Variants in STAT3 observed in about 807,000 individuals in gnomAD.
The protein encoded by STAT3 is DNA-binding protein APRF.
A neutral mutation model predicts 114.3 loss-of-function variants in STAT3; 7 were observed. That is an observed-to-expected ratio of 0.06 (90% CI 0.03 to 0.11). STAT3 has a LOEUF of 0.11. Among genes scored for constraint, STAT3 ranks in the 10% least tolerant of loss-of-function variants. The pLI, the probability that STAT3 is intolerant of heterozygous loss-of-function variation, is 1.00. For missense variants in STAT3, 364 were observed against 960.9 expected (o/e 0.38, Z 8.21); for synonymous variants, 331 against 354.5 (o/e 0.93, Z 0.74).
chr17:42,349,383 C>T (rs546057369), intron 1 of STAT3, among the ~76,000 whole-genome samples: 2 of 152,318 alleles, frequency 1.3e-5, no homozygotes, highest in South Asian at 2.1e-4. Context: ...CAACAAATGT[C>T]GGTTCCTTTC....
chr17:42,317,054 C>G, intron 22 of STAT3, 128 bp downstream of exon 22: 1 of 1,574,536 alleles, frequency 6.4e-7, no homozygotes, highest in African/African-American at 1.4e-5. Flanking sequence ...CACAAGGTCA[C>G]TTTGAGTACT....
At position 42,331,501 on chromosome 17, in the gene STAT3, A is replaced by G. The variant is rs996710432; in HGVS notation, c.1080T>C (p.Tyr360=). Residue 360 remains tyrosine, a synonymous_variant, in exon 11 of 24, where the codon TAT becomes TAC. Transcript: ENST00000264657. ...CAATGCACACTTTAATTTTAAGCTGATAATTCAACTCAGGGAATTTGACCA... is the reference window on the plus strand; with the variant it reads ...CAATGCACACTTTAATTTTAAGCTGGTAATTCAACTCAGGGAATTTGACCA... ...RLLVKFPELN[Y]QLKIKVCIDK... The G allele has an allele frequency of 6.8e-6, 11 of 1,613,950 alleles. No individual in the cohort carries two copies. Among genetic ancestry groups the G allele is most frequent in the African/African-American group, 1.3e-5 (1 of 74,946 alleles).
At chr17:42,384,704 G>C (rs1017491950) in intron 1 of STAT3, among the ~76,000 whole-genome samples, 4 of 152,060 alleles carry the variant, frequency 2.6e-5, no homozygotes, top group Non-Finnish European at 5.9e-5. Flanking sequence ...ACAGGTCCAC[G>C]CCACCAGGCC....
chr17:42,358,933 C>CTTT lies in STAT3; in HGVS notation c.-23-10397_-23-10395dup, dbSNP rs35099574. On this transcript the variant is annotated intron_variant, in intron 1 of 23. Transcript: ENST00000264657. The stretch of plus-strand genomic sequence containing the variant: ...GTCTCCCTTTCATGGACATTTCTTA[C>CTTT]TTTTTTTTTTTTTTTTTTTGAGATG... 1.4e-3 allele frequency among the ~76,000 whole-genome samples: 140 copies of CTTT among 100,438 alleles called. 12 individuals are homozygous for CTTT. Among genetic ancestry groups the CTTT allele is most frequent in the African/African-American group, 4.2e-3 (107 of 25,506 alleles). 65.9% of individuals were successfully genotyped at this position (100,438 alleles called of 152,430 possible).
rs370434509 is a variant in STAT3 at position 42,345,875 on chromosome 17, C to CTTTT, written c.274-222_274-219dup. The stretch of plus-strand genomic sequence containing the variant: ...TAACAGAAGGCACATTAGCCTGAGT[C>CTTTT]TTTTTTTTTTTTTTTTGAGACTGGC... On this transcript the variant is annotated intron_variant, in intron 3 of 23. Transcript: ENST00000264657. 1.8e-4 allele frequency among the ~76,000 whole-genome samples: 24 copies of CTTTT among 132,972 alleles called. 1 individual carries two copies. Among genetic ancestry groups the CTTTT allele is most frequent in the Non-Finnish European group, 2.9e-4 (18 of 62,836 alleles). The allele number at this position is 132,972 out of a possible 152,430, so 87.2% of individuals were successfully genotyped here. A position where few individuals can be genotyped will look rare whatever the true frequency, so the allele number is the denominator to read the frequency against.
At chr17:42,332,024 T>A (rs1439668625) in intron 10 of STAT3, among the ~76,000 whole-genome samples, 2 of 151,388 alleles carry the variant, frequency 1.3e-5, no homozygotes, top group Non-Finnish European at 2.9e-5. Flanking sequence ...GCCTCCTGGG[T>A]TCAAGTGATT....
At position 42,329,390 on chromosome 17, in the gene STAT3, T is replaced by C. The variant is rs370366615; in HGVS notation, c.1281+20A>G. 1.2e-6 allele frequency: 2 copies of C among 1,613,346 alleles called. No individual in the cohort carries two copies. Among genetic ancestry groups the C allele is most frequent in the African/African-American group, 2.7e-5 (2 of 74,998 alleles). On this transcript the variant is annotated intron_variant, in intron 14 of 23. Coordinates refer to ENST00000264657, the MANE Select transcript of STAT3 (RefSeq NM_139276.3). ...TCAAGGAAAACACCCCAGTTGTCTT[T>C]CATCCCCAACAAAACTTACATCACA...
At chr17:42,356,605 G>A (rs2145112024) in intron 1 of STAT3, among the ~76,000 whole-genome samples, 1 of 149,790 alleles carries the variant, frequency 6.7e-6, no homozygotes, top group African/African-American at 2.5e-5. Flanking sequence ...AGTTTATTGT[G>A]TAGTAAACAT....
intron 1 of STAT3, among the ~76,000 whole-genome samples, chr17:42,370,489 G>A (rs888868217): frequency 6.7e-6 from 1 of 149,988 alleles, no homozygotes; most frequent in Non-Finnish European, 1.5e-5. Context: ...CGGGTGATCT[G>A]CCCATCTCGG....
intron 17 of STAT3, 144 bp from the exon 18 acceptor site, chr17:42,323,769 G>T: frequency 1.2e-6 from 1 of 808,882 alleles, no homozygotes; most frequent in Non-Finnish European, 2.1e-6. Flanking sequence ...GCACTGTTGT[G>T]TGTGTGCACA....
intron 4 of STAT3, among the ~76,000 whole-genome samples, chr17:42,344,717 T>TC (rs2082615723): frequency 7.3e-6 from 1 of 136,752 alleles, no homozygotes; most frequent in Admixed American, 7.8e-5. Context: ...AGACTCTGTC[T>TC]CAAAAAAAAA....
rs774823374 is a variant in STAT3, at chr17:42,339,356, C to T, written c.426G>A (p.Gln142=). 3.2e-5 allele frequency: 52 copies of T among 1,614,138 alleles called. No individual in the cohort carries two copies. Among genetic ancestry groups the T allele is most frequent in the Non-Finnish European group, 4.4e-5 (52 of 1,180,022 alleles). The change falls in exon 5 of 24, where the codon CAG becomes CAA. Residue 142 remains glutamine, a synonymous_variant. Transcript: ENST00000264657. ...CATCCTGAAGGTGCTGCTCCAGCATCTGCTGCTTCTCCGTCACCACGGCTG... is the reference window on the plus strand; with the variant it reads ...CATCCTGAAGGTGCTGCTCCAGCATTTGCTGCTTCTCCGTCACCACGGCTG... ...PTAAVVTEKQ[Q]MLEQHLQDVR... is the part of the protein sequence containing the mutation.
intron 4 of STAT3, among the ~76,000 whole-genome samples, chr17:42,343,597 G>A (rs1169053902): frequency 2.0e-5 from 3 of 151,678 alleles, no homozygotes; most frequent in Admixed American, 1.3e-4. Context: ...TGGGACTACA[G>A]GCGCGTACCA....
chr17:42,355,762 A>C (rs998375354), intron 1 of STAT3, among the ~76,000 whole-genome samples: 1 of 152,206 alleles, frequency 6.6e-6, no homozygotes, highest in African/African-American at 2.4e-5. Flanking sequence ...AATCTAATGA[A>C]ACCAAAAGAT....
chr17:42,366,508 G>A (rs1346029704), intron 1 of STAT3, among the ~76,000 whole-genome samples: 1 of 151,690 alleles, frequency 6.6e-6, no homozygotes, highest in Non-Finnish European at 1.5e-5. Context: ...CTGTCTCTAC[G>A]AAATATACAA....
At chr17:42,377,594 G>A (rs756894796) in intron 1 of STAT3, among the ~76,000 whole-genome samples, 1 of 152,090 alleles carries the variant, frequency 6.6e-6, no homozygotes, top group Non-Finnish European at 1.5e-5. Flanking sequence ...AGCTGTCCCT[G>A]GGAAAGAGTC....
At chr17:42,375,693 G>C (rs889036038) in intron 1 of STAT3, among the ~76,000 whole-genome samples, 1 of 151,952 alleles carries the variant, frequency 6.6e-6, no homozygotes, top group Non-Finnish European at 1.5e-5. Context: ...GACGGGTGTG[G>C]TGGCACATGC....
chr17:42,336,571 C>T (rs1190196658), intron 8 of STAT3, among the ~76,000 whole-genome samples: 2 of 151,884 alleles, frequency 1.3e-5, no homozygotes, highest in Non-Finnish European at 1.5e-5. Context: ...GTACTCTAGA[C>T]TGGGTAACAC....
In STAT3 at chr17:42,323,631, G is replaced by GA; in HGVS notation, c.1601-7_1601-6insT. 1.3e-6 allele frequency: 2 copies of GA among 1,588,840 alleles called. No homozygotes were observed. The highest frequency in any genetic ancestry group is 1.8e-5 in the African/African-American group (1 of 55,590). On this transcript the variant is annotated splice_polypyrimidine_tract_variant and splice_region_variant and intron_variant, in intron 17 of 23. Transcript: ENST00000264657. ...TGAATAATTCACACCAGGTCCTGAA[G>GA]GAAAGAAAAAGAGTCAAGTAGTACA...
Sources: gnomAD v4.1 joint callset for allele counts (sites outside exome capture counted in the v4.1 genomes callset) on GRCh38, gnomAD v4.1.1 for gene constraint, MANE v1.5 for transcripts, NCBI Gene and HGNC (gene_info 2026-07-23, HGNC 2026-07-21) for gene names.